ADAMTS9: variants seen among roughly 807,000 people sequenced by gnomAD.
The protein encoded by ADAMTS9 is A disintegrin and metalloproteinase with thrombospondin motifs 9.
A neutral mutation model predicts 257.1 loss-of-function variants in ADAMTS9; 107 were observed. That is an observed-to-expected ratio of 0.42 (90% confidence interval 0.36 to 0.49). ADAMTS9 has a LOEUF of 0.49. ADAMTS9 is among the 20% of genes least tolerant of loss of function. The pLI, the probability that ADAMTS9 is intolerant of heterozygous loss-of-function variation, is 0.03. For missense variants in ADAMTS9, 2,353 were observed against 2,469.1 expected, an observed-to-expected ratio of 0.95 and a Z score of 1.00; for synonymous variants, 982 against 880.9, an observed-to-expected ratio of 1.11 and a Z score of -2.03.
At chr3:64,629,860 G>C (rs978950717) in intron 16 of ADAMTS9, among the ~76,000 whole-genome samples, 1 of 152,204 alleles carries the variant, frequency 6.6e-6, no homozygotes, top group African/African-American at 2.4e-5. Flanking sequence ...TACTTGATTA[G>C]CATGCTTAGC....
At chr3:64,554,063 C>T (rs182266123) in intron 30 of ADAMTS9, among the ~76,000 whole-genome samples, 1 of 152,164 alleles carries the variant, frequency 6.6e-6, no homozygotes, top group Non-Finnish European at 1.5e-5. Flanking sequence ...CTGAGAAGAT[C>T]CTAATTATTG....
intron 4 of ADAMTS9, 63 bp from the exon 5 acceptor site, chr3:64,655,938 C>T (rs1170834487): frequency 2.2e-5 from 23 of 1,055,276 alleles, no homozygotes; most frequent in Middle Eastern, 3.2e-4. Flanking sequence ...AAGCAAGTCA[C>T]GTCTTACGTT....
At chr3:64,524,334 A>T (rs2082884670) in intron 38 of ADAMTS9, among the ~76,000 whole-genome samples, 1 of 152,210 alleles carries the variant, frequency 6.6e-6, no homozygotes. Context: ...GAAAACTCTG[A>T]TAGAATTCTT....
intron 39 of ADAMTS9, among the ~76,000 whole-genome samples, chr3:64,520,537 A>T (rs190323529): frequency 6.6e-6 from 1 of 152,294 alleles, no homozygotes; most frequent in African/African-American, 2.4e-5. Context: ...CGGACTTCAA[A>T]CTCTACTCCA....
intron 28 of ADAMTS9, among the ~76,000 whole-genome samples, chr3:64,581,949 C>G (rs1003247470): frequency 1.3e-5 from 2 of 152,164 alleles, no homozygotes; most frequent in Non-Finnish European, 2.9e-5. Context: ...CAATAGATTT[C>G]TTCTCCAGTC....
At chr3:64,591,617 C>T (rs985520254) in intron 28 of ADAMTS9, among the ~76,000 whole-genome samples, 1 of 152,114 alleles carries the variant, frequency 6.6e-6, no homozygotes, top group African/African-American at 2.4e-5. Flanking sequence ...GGGACTTAAA[C>T]CCTAGGTTCA....
chr3:64,686,619 A>G lies in ADAMTS9; in HGVS notation c.465T>C (p.Tyr155=). ...AELKHCFYKG[Y]VNTNSEHTAV... ...CCGTGTGCTCGGAGTTGGTATTGAC[A>G]TAGCCTTTGTAGAAACAGTGCTTGA... Residue 155 remains tyrosine, a synonymous_variant, in exon 2 of 40, where the codon TAT becomes TAC. Transcript: ENST00000498707. The surrounding 1 kb of genome is among the most constrained non-coding windows in gnomAD (Gnocchi z 4.6). 6.2e-7 allele frequency: 1 copy of G among 1,613,938 alleles called. No homozygotes were observed. Among genetic ancestry groups the G allele is most frequent in the Non-Finnish European group, 8.5e-7 (1 of 1,179,960 alleles).
At chr3:64,576,600 G>A (rs2083853939) in intron 28 of ADAMTS9, among the ~76,000 whole-genome samples, 1 of 152,134 alleles carries the variant, frequency 6.6e-6, no homozygotes, top group Non-Finnish European at 1.5e-5. Context: ...TTTATGTCTG[G>A]GACCACCCTG....
In ADAMTS9 at chr3:64,654,361, C is replaced by T; in HGVS notation, c.1308G>A (p.Leu436=). Residue 436 remains leucine, a synonymous_variant, in exon 8 of 40, where the codon CTG becomes CTA. Transcript: ENST00000498707. ...LSTAFTIAHE[L]GHVFNMPHDD... ...ACTGAAAGGTAACTCACACATGGCC[C>T]AGCTCATGGGCGATCGTAAAAGCTG... is the stretch of plus-strand genomic sequence containing the variant. 8 of 1,613,356 alleles carry T rather than the reference C, an allele frequency of 5.0e-6. No individual in the cohort carries two copies. The highest frequency in any genetic ancestry group is 6.8e-6 in the Non-Finnish European group (8 of 1,179,794).
intron 22 of ADAMTS9, among the ~76,000 whole-genome samples, chr3:64,609,373 C>T (rs1463174040): frequency 1.3e-5 from 2 of 152,080 alleles, no homozygotes; most frequent in Non-Finnish European, 1.5e-5. Context: ...TCATACTATA[C>T]ATTGGAATCC....
At chr3:64,668,716 C>T (rs1701409305) in intron 3 of ADAMTS9, among the ~76,000 whole-genome samples, 1 of 152,188 alleles carries the variant, frequency 6.6e-6, no homozygotes, top group South Asian at 2.1e-4. Flanking sequence ...GTTAAGGCTG[C>T]TGGAACGAAG....
At chr3:64,544,027 G>C (rs898577572) in intron 32 of ADAMTS9, among the ~76,000 whole-genome samples, 1 of 152,102 alleles carries the variant, frequency 6.6e-6, no homozygotes, top group African/African-American at 2.4e-5. Context: ...GCTTCAAAGA[G>C]AATAAAATAC....
chr3:64,571,013 C>T (rs905085501), intron 28 of ADAMTS9, among the ~76,000 whole-genome samples: 6 of 152,178 alleles, frequency 3.9e-5, no homozygotes, highest in African/African-American at 1.4e-4. Flanking sequence ...GACCTTAACA[C>T]AAGTCTATAT....
intron 30 of ADAMTS9, among the ~76,000 whole-genome samples, chr3:64,558,016 G>C (rs1005726996): frequency 1.3e-5 from 2 of 152,140 alleles, no homozygotes; most frequent in African/African-American, 4.8e-5. Context: ...GACTCGCCTG[G>C]TGACATGGCT....
At position 64,537,293 on chromosome 3, in the gene ADAMTS9, T is replaced by C. The variant is rs779428295; in HGVS notation, c.5613+1910A>G. Among the ~76,000 whole-genome samples, 57 of 152,340 alleles carry C rather than the reference T, an allele frequency of 3.7e-4. 1 individual carries two copies. The highest frequency in any genetic ancestry group is 6.8e-3 in the Middle Eastern group (2 of 294). ...TGAATGCAAGTTACTTTTCATTTAC[T>C]TAAGCTTCCCAAAGGATGTGCATAT... On this transcript the variant is annotated intron_variant, in intron 37 of 39. Coordinates refer to ENST00000498707, the MANE Select transcript of ADAMTS9 (RefSeq NM_182920.2).
chr3:64,601,171 A>G (rs1576103235), intron 26 of ADAMTS9, among the ~76,000 whole-genome samples: 1 of 152,234 alleles, frequency 6.6e-6, no homozygotes, highest in East Asian at 1.9e-4. Flanking sequence ...AATGATAATA[A>G]TAAAGACAAC....
intron 38 of ADAMTS9, among the ~76,000 whole-genome samples, chr3:64,523,941 G>C (rs1418069752): frequency 2.0e-5 from 3 of 152,152 alleles, no homozygotes; most frequent in Non-Finnish European, 4.4e-5. Flanking sequence ...TTTTGCTTCA[G>C]AGTTGATCAT....
intron 32 of ADAMTS9, among the ~76,000 whole-genome samples, chr3:64,542,231 A>T (rs143712733): frequency 1.0e-3 from 138 of 134,674 alleles, no homozygotes; most frequent in African/African-American, 3.2e-3. Flanking sequence ...ACACACACAC[A>T]CACACACACA....
At chr3:64,616,199 C>T in intron 19 of ADAMTS9, 29 bp from the exon 20 acceptor site, 1 of 1,609,368 alleles carries the variant, frequency 6.2e-7, no homozygotes, top group Non-Finnish European at 8.5e-7. Context: ...GCAAAACCAA[C>T]ATTTCTGTTA....
Sources: gnomAD v4.1 joint callset for allele counts (sites outside exome capture counted in the v4.1 genomes callset) on GRCh38, gnomAD v4.1.1 for gene constraint, Gnocchi (gnomAD v3.1) non-coding constraint, MANE v1.5 for transcripts, NCBI Gene and HGNC (gene_info 2026-07-23, HGNC 2026-07-21) for gene names.